TRDN: variants seen among roughly 807,000 people sequenced by gnomAD.
TRDN encodes triadin in skeletal muscle.
Under a neutral mutation model 149.7 loss-of-function variants are expected in TRDN, and 161 were observed. That is an observed-to-expected ratio of 1.08 (90% CI 0.95 to 1.23). TRDN has a LOEUF of 1.23. Ranked by LOEUF, TRDN falls within the 50% of genes most tolerant of loss-of-function variation. TRDN has a pLI of 0.00. For synonymous variants in TRDN, 294 were observed against 250.5 expected (o/e 1.17, Z -1.64); for missense variants, 896 against 823.5 (o/e 1.09, Z -1.08).
intron 24 of TRDN, among the ~76,000 whole-genome samples, chr6:123,293,846 G>A (rs1456175056): frequency 3.9e-5 from 6 of 152,092 alleles, no homozygotes; most frequent in East Asian, 1.9e-4. Flanking sequence ...ATTGGCCAGC[G>A]TTGTCCCCCA....
At chr6:123,467,842 C>T (rs1355583460) in intron 9 of TRDN, among the ~76,000 whole-genome samples, 1 of 152,076 alleles carries the variant, frequency 6.6e-6, no homozygotes, top group East Asian at 1.9e-4. Context: ...TACAGCTCTA[C>T]AACAAAATCA....
chr6:123,585,031 T>A lies in TRDN; in HGVS notation c.23-13899A>T, dbSNP rs377484391. ...AATCCTTTCAAAGCATGCTGTGGGATGGGATATTGGCATTGATTGGAGTAA... is the reference window on the plus strand; with the variant it reads ...AATCCTTTCAAAGCATGCTGTGGGAAGGGATATTGGCATTGATTGGAGTAA... On this transcript the variant is annotated intron_variant, in intron 1 of 40. Coordinates refer to ENST00000334268, the MANE Select transcript of TRDN (RefSeq NM_006073.4). Among the ~76,000 whole-genome samples, 622 of 151,702 alleles carry A rather than the reference T, an allele frequency of 4.1e-3. 3 individuals carry two copies. The highest frequency in any genetic ancestry group is 5.4e-3 in the African/African-American group (222 of 41,272).
At chr6:123,438,809 T>C in intron 11 of TRDN, 135 bp downstream of exon 11, 1 of 651,212 alleles carries the variant, frequency 1.5e-6, no homozygotes, top group Non-Finnish European at 2.5e-6. Context: ...TCTAGACATG[T>C]TAAGAGTGTT....
intron 32 of TRDN, among the ~76,000 whole-genome samples, chr6:123,266,628 TATA>T (rs1349251593): frequency 2.1e-5 from 1 of 47,912 alleles, no homozygotes; most frequent in Non-Finnish European, 4.0e-5. Flanking sequence ...TAATATATAT[TATA>T]ATATGTATTA....
intron 7 of TRDN, among the ~76,000 whole-genome samples, chr6:123,508,353 A>G (rs1583164395): frequency 6.6e-6 from 1 of 152,328 alleles, no homozygotes; most frequent in South Asian, 2.1e-4. Context: ...ACCTAAAAAG[A>G]TGATACAAAA....
chr6:123,556,036 G>A (rs752877029), intron 2 of TRDN, among the ~76,000 whole-genome samples: 1 of 151,992 alleles, frequency 6.6e-6, no homozygotes, highest in Non-Finnish European at 1.5e-5. Flanking sequence ...CACTTTAGCA[G>A]GATATACAAA....
chr6:123,591,176 GA>G (rs1006271355), intron 1 of TRDN, among the ~76,000 whole-genome samples: 4 of 151,978 alleles, frequency 2.6e-5, no homozygotes, highest in Non-Finnish European at 5.9e-5. Flanking sequence ...AATTTTGTGA[GA>G]AAAAATATAT....
intron 24 of TRDN, among the ~76,000 whole-genome samples, chr6:123,297,055 A>C (rs1000735849): frequency 6.6e-6 from 1 of 152,064 alleles, no homozygotes; most frequent in African/African-American, 2.4e-5. Flanking sequence ...AGTCCTTTAA[A>C]CAAGATTATC....
At chr6:123,508,207 T>C (rs1779016483) in intron 7 of TRDN, among the ~76,000 whole-genome samples, 1 of 152,198 alleles carries the variant, frequency 6.6e-6, no homozygotes, top group Non-Finnish European at 1.5e-5. Flanking sequence ...ATTATTATTT[T>C]ACATTTGAAA....
chr6:123,517,656 A>G (rs1380426813), intron 5 of TRDN, among the ~76,000 whole-genome samples: 1 of 152,064 alleles, frequency 6.6e-6, no homozygotes, highest in Non-Finnish European at 1.5e-5. Context: ...TAGTAGCTCC[A>G]CAAGCACACC....
chr6:123,218,765 G>T, intron 40 of TRDN, 25 bp from the exon 41 acceptor site: 1 of 1,549,194 alleles, frequency 6.5e-7, no homozygotes, highest in East Asian at 2.4e-5. Flanking sequence ...ATGACAGTTT[G>T]TTAAAACATG....
At chr6:123,612,651 C>T (rs920968591) in intron 1 of TRDN, among the ~76,000 whole-genome samples, 1 of 152,094 alleles carries the variant, frequency 6.6e-6, no homozygotes, top group African/African-American at 2.4e-5. Flanking sequence ...GATCCTTCCA[C>T]GTCAGGCTCC....
Position 123,355,648 on chromosome 6 carries a change from A to T in TRDN, c.1322-3062T>A, listed in dbSNP as rs188810949. On this transcript the variant is annotated intron_variant, in intron 20 of 40. Transcript: ENST00000334268. Reference sequence around the variant, plus strand: ...GTCAGCTTATCAATTTAAATAAAACAATAGCAACAACAAGAAATCTGCTAG... The same window carrying T: ...GTCAGCTTATCAATTTAAATAAAACTATAGCAACAACAAGAAATCTGCTAG... 1.8e-4 allele frequency among the ~76,000 whole-genome samples: 28 copies of T among 151,848 alleles called. No individual in the cohort carries two copies. In the East Asian group the frequency reaches 3.9e-3, roughly 21 times the overall value.
intron 12 of TRDN, among the ~76,000 whole-genome samples, chr6:123,407,006 T>A (rs1220758146): frequency 6.6e-6 from 1 of 152,070 alleles, no homozygotes; most frequent in Non-Finnish European, 1.5e-5. Context: ...CTCAGGGTGC[T>A]TGCTGAGAGG....
intron 20 of TRDN, 47 bp downstream of exon 20, chr6:123,366,088 A>G: frequency 6.6e-7 from 1 of 1,512,452 alleles, no homozygotes; most frequent in Non-Finnish European, 9.1e-7. Context: ...AAACCTTAGC[A>G]GAAATAACTT....
At chr6:123,424,900 T>C (rs1774051946) in intron 12 of TRDN, among the ~76,000 whole-genome samples, 1 of 152,026 alleles carries the variant, frequency 6.6e-6, no homozygotes, top group African/African-American at 2.4e-5. Context: ...GTACAGCAGG[T>C]TTCCCAACTT....
intron 12 of TRDN, among the ~76,000 whole-genome samples, chr6:123,416,596 G>A (rs1199926013): frequency 2.6e-5 from 4 of 151,946 alleles, no homozygotes; most frequent in Non-Finnish European, 5.9e-5. Flanking sequence ...TATCATTCTC[G>A]GATATCATAC....
chr6:123,428,125 C>A (rs1774199746), intron 12 of TRDN, among the ~76,000 whole-genome samples: 1 of 152,022 alleles, frequency 6.6e-6, no homozygotes, highest in South Asian at 2.1e-4. Context: ...TTTTTTAAAC[C>A]TAATCTAGGG....
chr6:123,290,885 A>C (rs1033761503), intron 24 of TRDN, among the ~76,000 whole-genome samples: 2 of 152,202 alleles, frequency 1.3e-5, no homozygotes, highest in African/African-American at 4.8e-5. Flanking sequence ...GGCTGGGTGC[A>C]GTGGATCACA....
Sources: gnomAD v4.1 joint callset for allele counts (sites outside exome capture counted in the v4.1 genomes callset) on GRCh38, gnomAD v4.1.1 for gene constraint, MANE v1.5 for transcripts, NCBI Gene and HGNC (gene_info 2026-07-23, HGNC 2026-07-21) for gene names.